Variants in TNFSF10 observed in about 807,000 individuals in gnomAD.
The protein encoded by TNFSF10 is TNF superfamily member 10, also known as tumor necrosis factor ligand superfamily member 10.
In TNFSF10, 13 loss-of-function variants were observed where a neutral mutation model predicts 29.5. The ratio of observed to expected loss-of-function variants is 0.44; its 90% CI spans 0.29 to 0.70. TNFSF10 has a LOEUF of 0.70. Ranked by LOEUF, TNFSF10 falls within the 30% of genes least tolerant of loss-of-function variation. The pLI, the probability that TNFSF10 is intolerant of heterozygous loss-of-function variation, is 0.13. For missense variants in TNFSF10, 345 were observed against 330.9 expected, an observed-to-expected ratio of 1.04 and a Z score of -0.33; for synonymous variants, 111 against 112.8, an observed-to-expected ratio of 0.98 and a Z score of 0.10.
intron 4 of TNFSF10, among the ~76,000 whole-genome samples, chr3:172,508,984 A>G (rs1474698432): frequency 6.6e-6 from 1 of 152,178 alleles, no homozygotes; most frequent in Non-Finnish European, 1.5e-5. Flanking sequence ...AAAACTGCAA[A>G]GACAAAATTC....
chr3:172,507,888 C>T (rs1359321107), intron 4 of TNFSF10, among the ~76,000 whole-genome samples: 1 of 152,148 alleles, frequency 6.6e-6, no homozygotes, highest in Non-Finnish European at 1.5e-5. Context: ...TTCTTGAGGA[C>T]ATACAATAGA....
At chr3:172,517,596 T>A in intron 1 of TNFSF10, 1 of 985,384 alleles carries the variant, frequency 1.0e-6, no homozygotes, top group Non-Finnish European at 1.2e-6. Flanking sequence ...TATTCTCACC[T>A]CCTACTTAAC....
At position 172,514,987 on chromosome 3, in the gene TNFSF10, C is replaced by T. The variant is rs1361782129; in HGVS notation, c.144G>A (p.Lys48=). 1 of 1,614,118 alleles carries T rather than the reference C, an allele frequency of 6.2e-7. No individual in the cohort carries two copies. The highest frequency in any genetic ancestry group is 1.3e-5 in the African/African-American group (1 of 75,004). ...AACAAGCAATGCCACTTTTGGAGTA[C>T]TTGTCCTGCATCTGGGTTGAGATGG... The part of the protein sequence containing the change: ...FTNELKQMQD[K]YSKSGIACFL... The change falls in exon 2 of 5, where the codon AAG becomes AAA. Residue 48 remains lysine, a synonymous_variant. Transcript: ENST00000241261.
chr3:172,514,263 C>T (rs1310687164), intron 2 of TNFSF10, among the ~76,000 whole-genome samples: 1 of 152,224 alleles, frequency 6.6e-6, no homozygotes, highest in Non-Finnish European at 1.5e-5. Flanking sequence ...GCTGGAGGTC[C>T]TGTTTAAGCA....
intron 3 of TNFSF10, 134 bp downstream of exon 3, chr3:172,511,483 G>T: frequency 1.6e-6 from 1 of 634,442 alleles, no homozygotes; most frequent in Non-Finnish European, 2.6e-6. Context: ...ATCAACAAGT[G>T]GCTTGAGATA....
chr3:172,509,723 T>A (rs1205028898), intron 3 of TNFSF10, among the ~76,000 whole-genome samples: 1 of 152,128 alleles, frequency 6.6e-6, no homozygotes, highest in African/African-American at 2.4e-5. Flanking sequence ...CCACCTTGAA[T>A]TACATACAGA....
chr3:172,521,708 G>A (rs890613246), intron 1 of TNFSF10, among the ~76,000 whole-genome samples: 1 of 152,152 alleles, frequency 6.6e-6, no homozygotes, highest in Non-Finnish European at 1.5e-5. Flanking sequence ...ATACCCAAAG[G>A]ATTATAAATC....
intron 1 of TNFSF10, chr3:172,518,343 G>A (rs139901684): frequency 2.4e-6 from 3 of 1,271,492 alleles, no homozygotes; most frequent in East Asian, 1.1e-4. Context: ...CTAGGCCAGG[G>A]TCAACCAGTC....
intron 2 of TNFSF10, among the ~76,000 whole-genome samples, chr3:172,513,879 C>T (rs372276746): frequency 1.7e-4 from 26 of 150,650 alleles, no homozygotes; most frequent in African/African-American, 5.6e-4. Flanking sequence ...TGCTCTGTTG[C>T]CCAGGCTAGA....
At position 172,506,465 on chromosome 3, in the gene TNFSF10, G is replaced by A. The variant is rs1712986351; in HGVS notation, c.*27C>T. The A allele has an allele frequency of 6.4e-7, 1 of 1,570,772 alleles. No homozygotes were observed. Among genetic ancestry groups the A allele is most frequent in the East Asian group, 2.2e-5 (1 of 44,690 alleles). ...CCTGAAAACTGAATAGTCACTTTGA[G>A]GTTATTGCTTTTTCTTTCCAGGTCA... On this transcript the variant is annotated 3_prime_UTR_variant, in exon 5 of 5. Coordinates refer to ENST00000241261, the MANE Select transcript of TNFSF10 (RefSeq NM_003810.4).
In TNFSF10 at chr3:172,518,555, G is replaced by T. The variant is rs552780295; in HGVS notation, c.133-3557C>A. On this transcript the variant is annotated intron_variant, in intron 1 of 4. Coordinates refer to ENST00000241261, the MANE Select transcript of TNFSF10 (RefSeq NM_003810.4). ...CCCCATCTATGATGTCACAGTGACA[G>T]GCCATTCCTTTATCATAAAACTTTC... is the stretch of plus-strand genomic sequence containing the variant. 108 of 1,027,234 alleles carry T rather than the reference G, an allele frequency of 1.1e-4. No individual in the cohort carries two copies. In the African/African-American group the frequency reaches 1.7e-3, roughly 16 times the overall value. 63.6% of individuals were successfully genotyped at this position (1,027,234 alleles called of 1,614,324 possible). A position where few individuals can be genotyped will look rare whatever the true frequency, so the allele number is the denominator to read the frequency against.
At position 172,517,907 on chromosome 3, in the gene TNFSF10, A is replaced by G. The variant is rs1713502870; in HGVS notation, c.133-2909T>C. The G allele has an allele frequency of 3.0e-6, 3 of 985,358 alleles. No individual in the cohort carries two copies. The South Asian group carries it at 1.4e-4, about 46-fold the overall frequency. The allele number at this position is 985,358 out of a possible 1,614,324, so 61.0% of individuals were successfully genotyped here. A position where few individuals can be genotyped will look rare whatever the true frequency, so the allele number is the denominator to read the frequency against. The stretch of plus-strand genomic sequence containing the variant: ...AAATATTGATTTCTGAACAATAGAA[A>G]TCCAGAGAGGAAGCCCCAGTCACTC... On this transcript the variant is annotated intron_variant, in intron 1 of 4. Transcript: ENST00000241261.
chr3:172,523,242 A>G lies in TNFSF10; in HGVS notation c.132+11T>C. The G allele has an allele frequency of 6.2e-7, 1 of 1,612,294 alleles. No homozygotes were observed. The highest frequency in any genetic ancestry group is 8.5e-7 in the Non-Finnish European group (1 of 1,178,686). On this transcript the variant is annotated intron_variant, in intron 1 of 4. Coordinates refer to ENST00000241261, the MANE Select transcript of TNFSF10 (RefSeq NM_003810.4). The stretch of plus-strand genomic sequence containing the variant: ...GCGCCTCGAAGACTGAGTGCACTGC[A>G]CTGCACTGACCTGCTTCAGCTCGTT...
At chr3:172,522,506 A>G in intron 1 of TNFSF10, 1 of 929,996 alleles carries the variant, frequency 1.1e-6, no homozygotes, top group Non-Finnish European at 1.7e-6. Flanking sequence ...CCTGCTGCAC[A>G]TTGGACTCAA....
In TNFSF10 at chr3:172,514,861, C is replaced by A. The variant is rs760670084; in HGVS notation, c.270G>T (p.Lys90Asn). 8.1e-6 allele frequency: 13 copies of A among 1,613,990 alleles called. No homozygotes were observed. The highest frequency in any genetic ancestry group is 1.1e-5 in the Non-Finnish European group (13 of 1,180,014). ...GAGGTCACCTGGTGAGGTTACCTAC[C>A]TTTCTAACGAGCTGACGGAGTTGCC... ...VKWQLRQLVR[K>N]MILRTSEETI... The change falls in exon 2 of 5, where the codon AAG becomes AAT. Residue 90 changes from lysine (K) to asparagine (N), a missense_variant and splice_region_variant. Physicochemically the swap from Lys to Asn is moderately conservative, Grantham distance 94 (BLOSUM62 0). Coordinates refer to ENST00000241261, the MANE Select transcript of TNFSF10 (RefSeq NM_003810.4).
Position 172,522,323 on chromosome 3 carries a change from A to G in TNFSF10, c.132+930T>C, listed in dbSNP as rs898878102. The stretch of plus-strand genomic sequence containing the variant: ...CTGTGTGCTATTGGATAAAGACTCT[A>G]AGAGCTACATTACAGATTTTTTCGA... On this transcript the variant is annotated intron_variant, in intron 1 of 4. Transcript: ENST00000241261. 3 of 872,280 alleles carry G rather than the reference A, an allele frequency of 3.4e-6. No homozygotes were observed. In the African/African-American group the frequency reaches 4.9e-5, roughly 14 times the overall value. 54.0% of individuals were successfully genotyped at this position (872,280 alleles called of 1,614,324 possible).
At chr3:172,515,070 A>G (rs1713376194) in intron 1 of TNFSF10, 72 bp from the exon 2 acceptor site, 1 of 1,598,284 alleles carries the variant, frequency 6.3e-7, no homozygotes. Context: ...GGAAGTTAAG[A>G]CAACAGAAAC....
intron 1 of TNFSF10, chr3:172,517,395 G>A: frequency 2.0e-6 from 2 of 985,294 alleles, no homozygotes; most frequent in South Asian, 4.7e-5. Flanking sequence ...ATAAGTGGAT[G>A]GGAGGTTAAC....
intron 1 of TNFSF10, among the ~76,000 whole-genome samples, chr3:172,515,877 G>A (rs1713409433): frequency 8.5e-6 from 1 of 118,090 alleles, no homozygotes; most frequent in Admixed American, 7.9e-5. Flanking sequence ...GAAGGGTTTT[G>A]TTTGTTTGTT....
Sources: gnomAD v4.1 joint callset for allele counts (sites outside exome capture counted in the v4.1 genomes callset) on GRCh38, gnomAD v4.1.1 for gene constraint, MANE v1.5 for transcripts, NCBI Gene and HGNC (gene_info 2026-07-23, HGNC 2026-07-21) for gene names.